Variants in CDK10 observed in about 807,000 individuals in gnomAD.
The protein encoded by CDK10 is cyclin dependent kinase 10.
In CDK10, 55 loss-of-function variants were observed where a neutral mutation model predicts 51.0. The ratio of observed to expected loss-of-function variants is 1.08; its 90% CI spans 0.87 to 1.35. The LOEUF (loss-of-function observed/expected upper bound fraction) is 1.35, where lower values mean the gene tolerates loss of function less well. Among genes scored for constraint, CDK10 ranks in the 40% most tolerant of loss-of-function variants. CDK10 has a pLI of 0.00. For synonymous variants in CDK10, 255 were observed against 199.1 expected, an observed-to-expected ratio of 1.28 and a Z score of -2.36; for missense variants, 589 against 485.1, an observed-to-expected ratio of 1.21 and a Z score of -2.01.
chr16:89,695,263 A>G (rs759125199), intron 11 of CDK10, 30 bp from the exon 12 acceptor site: 3 of 1,595,994 alleles, frequency 1.9e-6, no homozygotes, highest in Admixed American at 1.7e-5. Flanking sequence ...CGCACTCACA[A>G]GTCGCACTAA....
At chr16:89,693,961 C>G in intron 8 of CDK10, 2 of 612,662 alleles carry the variant, frequency 3.3e-6, no homozygotes, top group South Asian at 3.9e-5. Flanking sequence ...GTGGTCCCTG[C>G]GACTCTCAGG....
chr16:89,693,185 G>GCAGGAAGT, intron 6 of CDK10, 89 bp from the exon 7 acceptor site: 1 of 1,124,118 alleles, frequency 8.9e-7, no homozygotes, highest in South Asian at 1.2e-5. Context: ...GAGGAAACGT[G>GCAGGAAGT]CAGGAAGTCT....
At position 89,696,177 on chromosome 16, in the gene CDK10, G is replaced by A. The variant is rs1279364987; in HGVS notation, c.*485G>A. 1.1e-5 allele frequency: 4 copies of A among 359,964 alleles called. No homozygotes were observed. The highest frequency in any genetic ancestry group is 1.6e-5 in the Non-Finnish European group (3 of 189,036). 22.3% of individuals were successfully genotyped at this position (359,964 alleles called of 1,614,324 possible). A position where few individuals can be genotyped will look rare whatever the true frequency, so the allele number is the denominator to read the frequency against. On this transcript the variant is annotated 3_prime_UTR_variant, in exon 13 of 13. Coordinates refer to ENST00000353379, the MANE Select transcript of CDK10 (RefSeq NM_052988.5). ...CTGGCAGGACTCCAGATGAGGACAA[G>A]AGGGACAAGGTATGGGGTGGGAGCC...
At chr16:89,692,405 C>T (rs756311973) in intron 5 of CDK10, 44 bp from the exon 6 acceptor site, 3 of 1,457,172 alleles carry the variant, frequency 2.1e-6, no homozygotes, top group Admixed American at 4.8e-5. Context: ...AGCTGGGCTT[C>T]CCTGCAGGCT....
In CDK10 at chr16:89,693,274, G is replaced by T; in HGVS notation, c.486G>T (p.Arg162Ser). The change falls in exon 7 of 13, where the codon AGG becomes AGT. Residue 162 changes from arginine to serine, a missense_variant and splice_region_variant. Physicochemically the swap from Arg to Ser is moderately radical, Grantham distance 110. Coordinates refer to ENST00000353379, the MANE Select transcript of CDK10 (RefSeq NM_052988.5). ...QYLHRNFIIH[R>S]DLKVSNLLMT... ...ACCTGCCACTGTTTTTCCATCACAG[G>T]GACCTGAAGGTTTCCAACTTGCTCA... is the stretch of plus-strand genomic sequence containing the variant. 1 of 1,614,116 alleles carries T rather than the reference G, an allele frequency of 6.2e-7. No individual in the cohort carries two copies. Among genetic ancestry groups the T allele is most frequent in the Non-Finnish European group, 8.5e-7 (1 of 1,180,026 alleles).
chr16:89,691,899 A>G lies in CDK10; in HGVS notation c.417+12A>G, dbSNP rs760204402. On this transcript the variant is annotated intron_variant, in intron 5 of 12. Coordinates refer to ENST00000353379, the MANE Select transcript of CDK10 (RefSeq NM_052988.5). ...TCTCGGAGGCTCAGGTGCGTGGCAG[A>G]GGGGCCTGGGGTGGGGGAATGGGCT... The G allele has an allele frequency of 6.2e-7, 1 of 1,612,746 alleles. No individual in the cohort carries two copies. Among genetic ancestry groups the G allele is most frequent in the South Asian group, 1.1e-5 (1 of 91,044 alleles).
chr16:89,693,995 C>G, intron 8 of CDK10, 178 bp from the exon 9 acceptor site: 1 of 652,524 alleles, frequency 1.5e-6, no homozygotes, highest in Non-Finnish European at 2.7e-6. Context: ...TGACAGCTCT[C>G]GCCCCCGGCA....
rs1377122265 is a variant in CDK10 at position 89,695,777 on chromosome 16, C to A, written c.*85C>A. 1.6e-5 allele frequency: 26 copies of A among 1,580,818 alleles called. No individual in the cohort carries two copies. Among genetic ancestry groups the A allele is most frequent in the Non-Finnish European group, 2.0e-5 (23 of 1,166,514 alleles). Reference sequence around the variant, plus strand: ...GAAGGGTGCCGCGAGCCAGGCTGACCAGGCGCCCGGGATCCAGCTCATCCC... The same window carrying A: ...GAAGGGTGCCGCGAGCCAGGCTGACAAGGCGCCCGGGATCCAGCTCATCCC... On this transcript the variant is annotated 3_prime_UTR_variant, in exon 13 of 13. Transcript: ENST00000353379.
At chr16:89,687,927 G>A (rs72807518) in intron 1 of CDK10, 3,170 of 276,808 alleles carry the variant, frequency 0.011, 33 homozygotes, top group Admixed American at 0.018. Context: ...TCAGACTGAG[G>A]ACAAATGCGG....
chr16:89,692,451 C>T lies in CDK10; in HGVS notation c.420C>T (p.Val140=), dbSNP rs1486479007. 2 of 1,588,054 alleles carry T rather than the reference C, an allele frequency of 1.3e-6. No homozygotes were observed. The highest frequency in any genetic ancestry group is 2.3e-5 in the South Asian group (2 of 87,890). Residue 140 remains valine, a splice_region_variant and synonymous_variant, in exon 6 of 13, where the codon GTC becomes GTT. Coordinates refer to ENST00000353379, the MANE Select transcript of CDK10 (RefSeq NM_052988.5). The part of the protein sequence containing the change: ...NMPTPFSEAQ[V]KCIVLQVLRG... ...GGTACCTCTGACCCTCTGCACAGGTCAAGTGCATCGTGCTGCAGGTGCTCC... is the reference window on the plus strand; with the variant it reads ...GGTACCTCTGACCCTCTGCACAGGTTAAGTGCATCGTGCTGCAGGTGCTCC...
At position 89,689,297 on chromosome 16, in the gene CDK10, A is replaced by G; in HGVS notation, c.133A>G (p.Ile45Val). The part of the protein sequence containing the change: ...SVKEFEKLNR[I>V]GEGTYGIVYR... ...GAAGGAGTTTGAGAAGCTGAACCGC[A>G]TTGGAGAGGGTACCTACGGCATTGT... is the stretch of plus-strand genomic sequence containing the variant. Residue 45 changes from isoleucine (I) to valine (V), a missense_variant, in exon 2 of 13, where the codon ATT becomes GTT. Physicochemically the swap from Ile to Val is conservative, Grantham distance 29. Coordinates refer to ENST00000353379, the MANE Select transcript of CDK10 (RefSeq NM_052988.5). The G allele has an allele frequency of 6.2e-7, 1 of 1,614,022 alleles. No homozygotes were observed. Among genetic ancestry groups the G allele is most frequent in the Non-Finnish European group, 8.5e-7 (1 of 1,179,976 alleles).
intron 2 of CDK10, 111 bp downstream of exon 2, chr16:89,689,435 C>T: frequency 1.1e-6 from 1 of 874,664 alleles, no homozygotes; most frequent in Non-Finnish European, 1.9e-6. Flanking sequence ...AGACCCTGTG[C>T]TCTGAAACAG....
At chr16:89,690,702 A>G in intron 3 of CDK10, 78 bp downstream of exon 3, 1 of 1,261,972 alleles carries the variant, frequency 7.9e-7, no homozygotes, top group Non-Finnish European at 1.2e-6. Flanking sequence ...GTTTCCTCAG[A>G]GCGACTGCAC....
In CDK10 at chr16:89,692,480, G is replaced by C. The variant is rs1475685103; in HGVS notation, c.449G>C (p.Gly150Ala). Residue 150 changes from glycine to alanine, a missense_variant, in exon 6 of 13, where the codon GGC becomes GCC. Transcript: ENST00000353379. ...TGCATCGTGCTGCAGGTGCTCCGGGGCCTCCAGTATCTGCACAGGAACTTC... is the reference window on the plus strand; with the variant it reads ...TGCATCGTGCTGCAGGTGCTCCGGGCCCTCCAGTATCTGCACAGGAACTTC... ...VKCIVLQVLRGLQYLHRNFII... is the reference protein window; with the variant it reads ...VKCIVLQVLRALQYLHRNFII... The C allele has an allele frequency of 1.3e-6, 2 of 1,597,236 alleles. No homozygotes were observed. Among genetic ancestry groups the C allele is most frequent in the African/African-American group, 2.7e-5 (2 of 73,572 alleles).
Position 89,686,773 on chromosome 16 carries a change from C to A in CDK10, c.63C>A (p.Phe21Leu), listed in dbSNP as rs762152056. The change falls in exon 1 of 13, where the codon TTC (phenylalanine) becomes TTA (leucine). Residue 21 changes from phenylalanine to leucine, a missense_variant. Transcript: ENST00000353379. ...IRLKCIRKEG[F>L]FTVPPEHRLG... is the part of the protein sequence containing the mutation. ...TGAAGTGTATTCGTAAGGAGGGCTTCTTCACGGTGCCTCCGGAACACAGGG... is the reference window on the plus strand; with the variant it reads ...TGAAGTGTATTCGTAAGGAGGGCTTATTCACGGTGCCTCCGGAACACAGGG... 1.9e-6 allele frequency: 3 copies of A among 1,612,198 alleles called. No individual in the cohort carries two copies. Among genetic ancestry groups the A allele is most frequent in the East Asian group, 4.5e-5 (2 of 44,808 alleles).
In CDK10 at chr16:89,693,305, G is replaced by A. The variant is rs776745688; in HGVS notation, c.517G>A (p.Asp173Asn). 19 of 1,614,102 alleles carry A rather than the reference G, an allele frequency of 1.2e-5. No homozygotes were observed. Among genetic ancestry groups the A allele is most frequent in the African/African-American group, 2.7e-5 (2 of 75,028 alleles). Residue 173 changes from aspartate (D) to asparagine (N), a missense_variant, in exon 7 of 13, where the codon GAC (aspartate) becomes AAC (asparagine). Transcript: ENST00000353379. ...GAAGGTTTCCAACTTGCTCATGACC[G>A]ACAAGGGTTGTGTGAAGACAGGTGG... ...DLKVSNLLMT[D>N]KGCVKTADFG...
At position 89,691,845 on chromosome 16, in the gene CDK10, C is replaced by T. The variant is rs747066120; in HGVS notation, c.375C>T (p.Ala125=). The T allele has an allele frequency of 1.2e-6, 2 of 1,614,028 alleles. No homozygotes were observed. Among genetic ancestry groups the T allele is most frequent in the Non-Finnish European group, 1.7e-6 (2 of 1,179,986 alleles). ...TGGGTTACTGTGAGCAGGACCTGGC[C>T]AGCCTCCTGGAGAATATGCCAACAC... ...LVMGYCEQDL[A]SLLENMPTPF... Residue 125 remains alanine (A), a synonymous_variant, in exon 5 of 13, where the codon GCC becomes GCT. Transcript: ENST00000353379.
intron 4 of CDK10, 106 bp from the exon 5 acceptor site, chr16:89,691,700 G>A: frequency 7.7e-7 from 1 of 1,292,648 alleles, no homozygotes; most frequent in Non-Finnish European, 1.1e-6. Context: ...TTGTCTGAGG[G>A]GGACACAGGT....
At chr16:89,689,405 G>T in intron 2 of CDK10, 81 bp downstream of exon 2, 1 of 1,260,758 alleles carries the variant, frequency 7.9e-7, no homozygotes, top group Non-Finnish European at 1.2e-6. Flanking sequence ...CAGCAGCCGC[G>T]TTGGGGCTGG....
Sources: allele counts gnomAD v4.1 joint callset, GRCh38; gene constraint gnomAD v4.1.1; transcripts MANE v1.5; gene names NCBI Gene and HGNC (gene_info 2026-07-23, HGNC 2026-07-21).